The following C4orf50 variants were observed in gnomAD, a reference collection of about 807,000 sequenced individuals.
C4orf50 encodes the protein uncharacterized protein C4orf50.
A neutral mutation model predicts 77.2 loss-of-function variants in C4orf50; 80 were observed. The observed-to-expected ratio is 1.04, with a 90% CI of 0.87 to 1.25. The LOEUF is 1.25. C4orf50 is among the 50% of genes most tolerant of loss of function. C4orf50 has a pLI of 0.00. For synonymous variants in C4orf50, 532 were observed against 465.3 expected (o/e 1.14, Z -1.84); for missense variants, 1,257 against 1,152.9 (o/e 1.09, Z -1.31).
chr4:5,972,100 G>A (rs1719962778), intron 31 of C4orf50, among the ~76,000 whole-genome samples: 1 of 151,640 alleles, frequency 6.6e-6, no homozygotes, highest in African/African-American at 2.4e-5. Context: ...CACTTCCCGG[G>A]TTCAAGAGAT....
In C4orf50 at chr4:5,916,069, T is replaced by C. The variant is rs1459043310; in HGVS notation, c.*2475-17881A>G. Among the ~76,000 whole-genome samples the C allele has an allele frequency of 6.6e-6, 1 of 152,084 alleles. No individual in the cohort carries two copies. The highest frequency in any genetic ancestry group is 2.4e-5 in the African/African-American group (1 of 41,410). ...GGCTAGTCCTGTAACAAGGGATGGG[T>C]GTGCAGCTACCACAGGGGCAGAGCT... On this transcript the variant is annotated intron_variant, in intron 7 of 7. Transcript: ENST00000324058. The surrounding 1 kb of genome is among the most constrained non-coding windows in gnomAD (Gnocchi z 4.4).
intron 33 of C4orf50, among the ~76,000 whole-genome samples, chr4:5,962,786 A>G (rs915894788): frequency 6.6e-6 from 1 of 152,174 alleles, no homozygotes; most frequent in African/African-American, 2.4e-5. Flanking sequence ...GGATGAGCCA[A>G]TGCCGGCGCA....
At chr4:5,986,686 A>G (rs1056302972) in intron 28 of C4orf50, among the ~76,000 whole-genome samples, 4 of 151,832 alleles carry the variant, frequency 2.6e-5, no homozygotes, top group Non-Finnish European at 4.4e-5. Flanking sequence ...CTACAGGTGC[A>G]TGCCACCACA....
At chr4:6,003,922 G>A (rs796261061) in intron 25 of C4orf50, among the ~76,000 whole-genome samples, 672 of 7,918 alleles carry the variant, frequency 0.085, no homozygotes, top group Admixed American at 0.15. Context: ...GATGATGGTG[G>A]TGATGGTGAT....
intron 30 of C4orf50, among the ~76,000 whole-genome samples, chr4:5,975,372 G>A (rs1002826598): frequency 6.6e-6 from 1 of 152,078 alleles, no homozygotes; most frequent in Non-Finnish European, 1.5e-5. Flanking sequence ...AACAGCAGGA[G>A]GCAAACGTAT....
chr4:5,977,363 A>G (rs1006784930), intron 29 of C4orf50, among the ~76,000 whole-genome samples: 1 of 152,226 alleles, frequency 6.6e-6, no homozygotes, highest in Non-Finnish European at 1.5e-5. Context: ...TCTTCGGACC[A>G]ACATACCTAT....
rs757870067 is a variant in C4orf50 at position 5,970,027 on chromosome 4, G to T, written c.4105-2565C>A. Among the ~76,000 whole-genome samples, 3 of 152,070 alleles carry T rather than the reference G, an allele frequency of 2.0e-5. No homozygotes were observed. Among genetic ancestry groups the T allele is most frequent in the Non-Finnish European group, 4.4e-5 (3 of 68,014 alleles). On this transcript the variant is annotated intron_variant, in intron 31 of 33. Coordinates refer to ENST00000531445, the Ensembl canonical transcript of C4orf50. The surrounding 1 kb of genome is among the most constrained non-coding windows in gnomAD (Gnocchi z 4.3). ...CCTCTTCTCCTCTCCTTTGGTACCCGGGCCTCTGCCTCCAAGGTCTCAGGG... is the reference window on the plus strand; with the variant it reads ...CCTCTTCTCCTCTCCTTTGGTACCCTGGCCTCTGCCTCCAAGGTCTCAGGG...
At position 5,992,323 on chromosome 4, in the gene C4orf50, G is replaced by T. The variant is rs1400812425; in HGVS notation, c.1221+480C>A. Among the ~76,000 whole-genome samples the T allele has an allele frequency of 4.6e-5, 7 of 152,194 alleles. No homozygotes were observed. The highest frequency in any genetic ancestry group is 1.4e-4 in the African/African-American group (6 of 41,444). Reference sequence around the variant, plus strand: ...TCAGGGATGAGAAAATGGAAGTGGAGAAAGGTTACGACTGCCTCAGCCTCA... The same window carrying T: ...TCAGGGATGAGAAAATGGAAGTGGATAAAGGTTACGACTGCCTCAGCCTCA... On this transcript the variant is annotated intron_variant, in intron 27 of 33. Coordinates refer to ENST00000531445, the Ensembl canonical transcript of C4orf50. This position sits in a 1 kb window ranked among gnomAD's most constrained non-coding sequence, Gnocchi z 5.0.
At chr4:5,959,694 A>G (rs1719168401) in intron 33 of C4orf50, 68 bp from the exon 12 acceptor site, 4 of 1,528,104 alleles carry the variant, frequency 2.6e-6, no homozygotes, top group Non-Finnish European at 3.5e-6. Flanking sequence ...CCATTCACAC[A>G]TTTAATCAAA....
chr4:5,974,342 G>C (rs1320832786), intron 30 of C4orf50, among the ~76,000 whole-genome samples: 1 of 152,168 alleles, frequency 6.6e-6, no homozygotes, highest in African/African-American at 2.4e-5. Context: ...AGAGCGGTGG[G>C]GAGGGAAGCC....
At chr4:5,961,404 G>C (rs1342842748) in intron 33 of C4orf50, among the ~76,000 whole-genome samples, 1 of 152,238 alleles carries the variant, frequency 6.6e-6, no homozygotes, top group East Asian at 1.9e-4. Flanking sequence ...AATATTGGCA[G>C]TTTCCTAGGA....
rs1474476280 is a variant in C4orf50 at position 5,901,224 on chromosome 4, T to C, written c.*2475-3036A>G. The C allele has an allele frequency of 6.6e-6, 1 of 152,276 alleles. No homozygotes were observed. The highest frequency in any genetic ancestry group is 1.5e-5 in the Non-Finnish European group (1 of 68,050). 9.4% of individuals were successfully genotyped at this position (152,276 alleles called of 1,614,324 possible). On this transcript the variant is annotated intron_variant, in intron 7 of 7. Coordinates refer to the C4orf50 transcript ENST00000324058. This position sits in a 1 kb window ranked among gnomAD's most constrained non-coding sequence, Gnocchi z 4.4. ...GTCATATGACAGATCACCTTGTTCATAATGGCACACAGTAGGTGTATAATA... is the reference window on the plus strand; with the variant it reads ...GTCATATGACAGATCACCTTGTTCACAATGGCACACAGTAGGTGTATAATA...
chr4:5,900,775 G>A lies in C4orf50; in HGVS notation c.*2475-2587C>T, dbSNP rs1298424369. The A allele has an allele frequency of 6.6e-6, 1 of 152,200 alleles. No individual in the cohort carries two copies. Among genetic ancestry groups the A allele is most frequent in the Non-Finnish European group, 1.5e-5 (1 of 68,038 alleles). The allele number at this position is 152,200 out of a possible 1,614,324, so 9.4% of individuals were successfully genotyped here. ...GTTTCCTCGCCTGTAAAATGGGGAG[G>A]AGAAGGATGCTTACACTAGATGAAG... On this transcript the variant is annotated intron_variant, in intron 7 of 7. Coordinates refer to the C4orf50 transcript ENST00000324058. The surrounding 1 kb of genome is among the most constrained non-coding windows in gnomAD (Gnocchi z 4.3).
chr4:5,958,737 T>G lies in C4orf50; in HGVS notation c.*638A>C, dbSNP rs1048469176. Reference sequence around the variant, plus strand: ...GATGGACTGATTAGAAAGTTCTGGTTAGTTTTAATGTTTTTAAATGTAAAA... The same window carrying G: ...GATGGACTGATTAGAAAGTTCTGGTGAGTTTTAATGTTTTTAAATGTAAAA... On this transcript the variant is annotated 3_prime_UTR_variant, in exon 34 of 34. Transcript: ENST00000531445. The surrounding 1 kb of genome is among the most constrained non-coding windows in gnomAD (Gnocchi z 5.4). The G allele has an allele frequency of 1.3e-5, 2 of 152,270 alleles. No homozygotes were observed. Among genetic ancestry groups the G allele is most frequent in the African/African-American group, 4.8e-5 (2 of 41,456 alleles). 9.4% of individuals were successfully genotyped at this position (152,270 alleles called of 1,614,324 possible). A position where few individuals can be genotyped will look rare whatever the true frequency, so the allele number is the denominator to read the frequency against.
intron 33 of C4orf50, among the ~76,000 whole-genome samples, chr4:5,961,381 G>A (rs1381651188): frequency 3.3e-5 from 5 of 152,226 alleles, no homozygotes; most frequent in Non-Finnish European, 4.4e-5. Context: ...GTTTCTGAGG[G>A]AAAGAGTAGT....
chr4:5,981,881 G>T (rs577928573), intron 28 of C4orf50, among the ~76,000 whole-genome samples: 1 of 152,096 alleles, frequency 6.6e-6, no homozygotes, highest in African/African-American at 2.4e-5. Flanking sequence ...CCTGGGAATT[G>T]TAAGGCCCCC....
rs1300655518 is a variant in C4orf50 at position 6,007,696 on chromosome 4, T to A, written c.963+300A>T. Among the ~76,000 whole-genome samples, 1 of 151,342 alleles carries A rather than the reference T, an allele frequency of 6.6e-6. No homozygotes were observed. The highest frequency in any genetic ancestry group is 2.4e-5 in the African/African-American group (1 of 41,086). ...TGATGGTGGGTAGGTGGGCGAGTGG[T>A]TGGATAGGTAGATGGATGGATGATG... is the stretch of plus-strand genomic sequence containing the variant. On this transcript the variant is annotated intron_variant, in intron 25 of 33. Transcript: ENST00000531445. This position sits in a 1 kb window ranked among gnomAD's most constrained non-coding sequence, Gnocchi z 4.1.
Position 5,980,770 on chromosome 4 carries a change from T to C in C4orf50, c.3700-432A>G, listed in dbSNP as rs575678176. Reference sequence around the variant, plus strand: ...TACTGAAACAGTGTGATGAGTGAAATTGAATGTTCCAATCAAATTATGAGA... The same window carrying C: ...TACTGAAACAGTGTGATGAGTGAAACTGAATGTTCCAATCAAATTATGAGA... On this transcript the variant is annotated intron_variant, in intron 28 of 33. Coordinates refer to ENST00000531445, the Ensembl canonical transcript of C4orf50. Among the ~76,000 whole-genome samples the C allele has an allele frequency of 9.2e-5, 14 of 152,298 alleles. No homozygotes were observed. In the East Asian group the frequency reaches 9.6e-4, roughly 10 times the overall value.
rs760642966 is a variant in C4orf50 at position 6,008,314 on chromosome 4, G to A, written c.645C>T (p.Ala215=). The A allele has an allele frequency of 5.1e-6, 2 of 388,742 alleles. No homozygotes were observed. Among genetic ancestry groups the A allele is most frequent in the East Asian group, 3.7e-5 (1 of 27,078 alleles). 24.1% of individuals were successfully genotyped at this position (388,742 alleles called of 1,614,324 possible). The change falls in exon 25 of 34, where the codon GCC becomes GCT. Residue 215 remains alanine (A), a synonymous_variant. Coordinates refer to ENST00000531445, the Ensembl canonical transcript of C4orf50. This position sits in a 1 kb window ranked among gnomAD's most constrained non-coding sequence, Gnocchi z 6.0. ...CCCACTGGGCCAGCAGGAGGCCCGC[G>A]GCGCGGCAGAGGCGCCGCACGTTGC... is the stretch of plus-strand genomic sequence containing the variant.
Sources: gnomAD v4.1 joint callset for allele counts (sites outside exome capture counted in the v4.1 genomes callset) on GRCh38, gnomAD v4.1.1 for gene constraint, Gnocchi (gnomAD v3.1) non-coding constraint, MANE v1.5 for transcripts, NCBI Gene and HGNC (gene_info 2026-07-23, HGNC 2026-07-21) for gene names.